The following DHX29 variants were observed in gnomAD, a reference collection of about 807,000 sequenced individuals.
DHX29 encodes DExH-box helicase 29, also known as ATP-dependent RNA helicase DHX29.
In DHX29, 79 loss-of-function variants were observed where a neutral mutation model predicts 167.9. The observed-to-expected ratio is 0.47, with a 90% CI of 0.39 to 0.57. The LOEUF (loss-of-function observed/expected upper bound fraction) is 0.57. Ranked by LOEUF, DHX29 falls within the 20% of genes least tolerant of loss-of-function variation. The pLI is 0.00. For synonymous variants in DHX29, 530 were observed against 546.0 expected, an observed-to-expected ratio of 0.97 and a Z score of 0.41; for missense variants, 1,347 against 1,593.4, an observed-to-expected ratio of 0.85 and a Z score of 2.63.
intron 12 of DHX29, among the ~76,000 whole-genome samples, chr5:55,278,537 T>C (rs1747238286): frequency 6.6e-6 from 1 of 152,228 alleles, no homozygotes; most frequent in South Asian, 2.1e-4. Flanking sequence ...AGCATTGTGC[T>C]AGATGCTGGA....
At chr5:55,272,513 A>G (rs1295075820) in intron 17 of DHX29, among the ~76,000 whole-genome samples, 1 of 152,196 alleles carries the variant, frequency 6.6e-6, no homozygotes, top group Admixed American at 6.5e-5. Flanking sequence ...CGGGAGGATC[A>G]TCTGTGGTCA....
At chr5:55,285,602 G>A in intron 9 of DHX29, 94 bp downstream of exon 9, 7 of 1,365,180 alleles carry the variant, frequency 5.1e-6, no homozygotes, top group Non-Finnish European at 6.9e-6. Flanking sequence ...CTTCCTAAAT[G>A]TCTGCTTACC....
At chr5:55,277,331 C>T in intron 12 of DHX29, 49 bp from the exon 13 acceptor site, 1 of 1,288,298 alleles carries the variant, frequency 7.8e-7, no homozygotes, top group Non-Finnish European at 1.1e-6. Flanking sequence ...TGTATAAATT[C>T]TAGTAAGAGG....
At position 55,256,474 on chromosome 5, in the gene DHX29, C is replaced by T. The variant is rs1276657527; in HGVS notation, c.*14G>A. The stretch of plus-strand genomic sequence containing the variant: ...CATCTTAATTTTTAAAGCAGTTGAC[C>T]ATGAATTTCAGTTTCAGTTATTCTC... On this transcript the variant is annotated 3_prime_UTR_variant, in exon 27 of 27. Coordinates refer to ENST00000251636, the MANE Select transcript of DHX29 (RefSeq NM_019030.4). 2 of 1,581,974 alleles carry T rather than the reference C, an allele frequency of 1.3e-6. No individual in the cohort carries two copies. Among genetic ancestry groups the T allele is most frequent in the Non-Finnish European group, 1.7e-6 (2 of 1,167,342 alleles).
At chr5:55,295,557 C>T in intron 4 of DHX29, 33 bp from the exon 5 acceptor site, 2 of 1,602,748 alleles carry the variant, frequency 1.2e-6, no homozygotes, top group Non-Finnish European at 1.7e-6. Flanking sequence ...TGAAAATAAA[C>T]AGGCATATGA....
At chr5:55,301,490 G>A (rs1748595624) in intron 1 of DHX29, among the ~76,000 whole-genome samples, 1 of 151,860 alleles carries the variant, frequency 6.6e-6, no homozygotes, top group African/African-American at 2.4e-5. Flanking sequence ...AAGGCAGGTG[G>A]ATCACCTGAG....
At chr5:55,293,744 T>A (rs1748166083) in intron 6 of DHX29, among the ~76,000 whole-genome samples, 1 of 152,198 alleles carries the variant, frequency 6.6e-6, no homozygotes, top group Non-Finnish European at 1.5e-5. Flanking sequence ...TATCTTTTTT[T>A]ATTACCTAAA....
At chr5:55,273,150 T>C in intron 17 of DHX29, 143 bp downstream of exon 17, 1 of 735,288 alleles carries the variant, frequency 1.4e-6, no homozygotes, top group Non-Finnish European at 2.0e-6. Flanking sequence ...CTTCTGATGA[T>C]GGCAAGGTGC....
rs762937803 is a variant in DHX29, at chr5:55,262,752, A to T, written c.3706T>A (p.Ser1236Thr). ...DNVGKIIYTK[S>T]VDVTEKLACI... ...GCCAATTTTTCTGTAACATCCACTG[A>T]CTTTGTATAGATTATCTTCCCCACA... Residue 1236 changes from serine to threonine, a missense_variant, in exon 24 of 27, where the codon TCA becomes ACA. Physicochemically the swap from Ser to Thr is moderately conservative, Grantham distance 58. Transcript: ENST00000251636. The T allele has an allele frequency of 1.2e-6, 2 of 1,614,032 alleles. No homozygotes were observed. The highest frequency in any genetic ancestry group is 3.3e-5 in the Admixed American group (2 of 60,018).
rs1022644882 is a variant in DHX29, at chr5:55,269,310, C to G, written c.3294+103G>C. The G allele has an allele frequency of 1.9e-5, 19 of 1,025,996 alleles. No individual in the cohort carries two copies. In the African/African-American group the frequency reaches 3.0e-4, roughly 16 times the overall value. The allele number at this position is 1,025,996 out of a possible 1,614,324, so 63.6% of individuals were successfully genotyped here. On this transcript the variant is annotated intron_variant, in intron 21 of 26. Transcript: ENST00000251636. ...CGGTTTTAATGTTCGTATAGACATT[C>G]TATTTAGTTAAAAAAATTTTTACTT...
chr5:55,272,083 T>G lies in DHX29; in HGVS notation c.2864+4A>C. The G allele has an allele frequency of 5.2e-6, 8 of 1,527,296 alleles. No individual in the cohort carries two copies. The highest frequency in any genetic ancestry group is 7.2e-6 in the Non-Finnish European group (8 of 1,118,198). The allele number at this position is 1,527,296 out of a possible 1,614,324, so 94.6% of individuals were successfully genotyped here. On this transcript the variant is annotated splice_donor_region_variant and intron_variant, in intron 18 of 26. Coordinates refer to ENST00000251636, the MANE Select transcript of DHX29 (RefSeq NM_019030.4). ...ATGTTTTGATTTGGGAAATTTAAAC[T>G]TACTTATTTTCTTTTGTTCTTCCAG...
intron 7 of DHX29, 111 bp downstream of exon 7, chr5:55,290,107 T>A: frequency 7.7e-7 from 1 of 1,306,492 alleles, no homozygotes; most frequent in Non-Finnish European, 1.0e-6. Context: ...ATCCCATGTA[T>A]AAACTGTTAG....
intron 12 of DHX29, among the ~76,000 whole-genome samples, chr5:55,277,779 A>C (rs1050150267): frequency 6.6e-6 from 1 of 151,746 alleles, no homozygotes; most frequent in South Asian, 2.1e-4. Flanking sequence ...GGTGGTGTGC[A>C]CCTGTAATCC....
chr5:55,282,637 T>C (rs2111889874), intron 11 of DHX29, among the ~76,000 whole-genome samples: 1 of 152,354 alleles, frequency 6.6e-6, no homozygotes, highest in East Asian at 1.9e-4. Context: ...TTTAATTAAT[T>C]AAACTAATTC....
chr5:55,258,219 T>C (rs773562497), intron 26 of DHX29, among the ~76,000 whole-genome samples: 21 of 152,162 alleles, frequency 1.4e-4, no homozygotes, highest in Non-Finnish European at 2.8e-4. Context: ...CAGCACCAAC[T>C]AGAAAGTATT....
chr5:55,282,065 C>T (rs2606584), intron 11 of DHX29, among the ~76,000 whole-genome samples: 17,521 of 152,042 alleles, frequency 0.12, 1,158 homozygotes, highest in East Asian at 0.26. Context: ...GGATTATAGG[C>T]GTGAGCCACC....
chr5:55,270,739 T>C (rs1166715701), intron 18 of DHX29, 33 bp from the exon 19 acceptor site: 16 of 1,569,748 alleles, frequency 1.0e-5, no homozygotes, highest in Non-Finnish European at 1.4e-5. Flanking sequence ...AATATGTAGA[T>C]AATTGACTTA....
At position 55,307,439 on chromosome 5, in the gene DHX29, C is replaced by T. The variant is rs368005814; in HGVS notation, c.135G>A (p.Pro45=). ...CGGCAGCGGCAGCGGCAGCGGTGGC[C>T]GGCCTGGACACTGGCTTCTTGCTTT... ...EAQSKKPVSR[P]ATAAAAAAGS... is the part of the protein sequence containing the mutation. The change falls in exon 1 of 27, where the codon CCG becomes CCA. Residue 45 remains proline, a synonymous_variant. Transcript: ENST00000251636. The T allele has an allele frequency of 6.2e-7, 1 of 1,612,888 alleles. No homozygotes were observed. Among genetic ancestry groups the T allele is most frequent in the African/African-American group, 1.3e-5 (1 of 74,910 alleles).
chr5:55,276,115 G>T, intron 14 of DHX29, 151 bp downstream of exon 14: 2 of 601,714 alleles, frequency 3.3e-6, no homozygotes, highest in Non-Finnish European at 5.5e-6. Flanking sequence ...TTAAAGAAAT[G>T]ACCTTTAAAA....
Sources: allele counts gnomAD v4.1 joint callset (sites outside exome capture counted in the v4.1 genomes callset), GRCh38; gene constraint gnomAD v4.1.1; transcripts MANE v1.5; gene names NCBI Gene and HGNC (gene_info 2026-07-23, HGNC 2026-07-21).